The following NADK variants were observed in gnomAD, a reference collection of about 807,000 sequenced individuals.
NADK encodes poly(P)/ATP NAD kinase.
A neutral mutation model predicts 49.8 loss-of-function variants in NADK; 22 were observed. That is an observed-to-expected ratio of 0.44 (90% confidence interval 0.32 to 0.63). The LOEUF is 0.63. Ranked by LOEUF, NADK falls within the 30% of genes least tolerant of loss-of-function variation. NADK has a pLI of 0.06. For missense variants in NADK, 438 were observed against 609.4 expected, an observed-to-expected ratio of 0.72 and a Z score of 2.96; for synonymous variants, 268 against 253.7, an observed-to-expected ratio of 1.06 and a Z score of -0.54.
chr1:1,768,202 A>C (rs1023161189), intron 1 of NADK, among the ~76,000 whole-genome samples: 2 of 150,812 alleles, frequency 1.3e-5, no homozygotes, highest in Non-Finnish European at 3.0e-5. Context: ...AAATGAGGTC[A>C]TAAGTGTGGG....
Position 1,752,676 on chromosome 1 carries a change from G to C in NADK, c.*228C>G, listed in dbSNP as rs1258261912. On this transcript the variant is annotated 3_prime_UTR_variant, in exon 12 of 12. Transcript: ENST00000341426. The stretch of plus-strand genomic sequence containing the variant: ...CCCACCGCGGGGTGTCAGCAGGACA[G>C]AAGCACTCCCAGCCCATTTCTCACG... 7.6e-6 allele frequency: 4 copies of C among 526,344 alleles called. No homozygotes were observed. The highest frequency in any genetic ancestry group is 3.1e-5 in the South Asian group (1 of 32,562). The allele number at this position is 526,344 out of a possible 1,614,324, so 32.6% of individuals were successfully genotyped here.
intron 1 of NADK, among the ~76,000 whole-genome samples, chr1:1,770,729 C>T (rs778817297): frequency 6.6e-5 from 10 of 151,802 alleles, no homozygotes; most frequent in Non-Finnish European, 1.3e-4. Flanking sequence ...GAGACTCTGT[C>T]TCAAAATAAT....
chr1:1,754,827 T>C lies in NADK; in HGVS notation c.689-129A>G, dbSNP rs1389662491. 5.7e-6 allele frequency: 5 copies of C among 873,668 alleles called. No homozygotes were observed. Among genetic ancestry groups the C allele is most frequent in the Non-Finnish European group, 6.9e-6 (4 of 581,174 alleles). 54.1% of individuals were successfully genotyped at this position (873,668 alleles called of 1,614,324 possible). A position where few individuals can be genotyped will look rare whatever the true frequency, so the allele number is the denominator to read the frequency against. On this transcript the variant is annotated intron_variant, in intron 7 of 11. Coordinates refer to ENST00000341426, the MANE Select transcript of NADK (RefSeq NM_023018.5). This position sits in a 1 kb window ranked among gnomAD's most constrained non-coding sequence, Gnocchi z 4.3. ...CAAGTTGACACACTTCTGTGCCTTT[T>C]TCTTTTTATTTTGAGATGGAGTCTC...
In NADK at chr1:1,761,949, C is replaced by T. The variant is rs778473646; in HGVS notation, c.263+3G>A. The T allele has an allele frequency of 1.2e-6, 2 of 1,613,912 alleles. No individual in the cohort carries two copies. The highest frequency in any genetic ancestry group is 1.1e-5 in the South Asian group (1 of 91,062). ...CCCCCCGTCCTGGGGCCCCAGCACT[C>T]ACATGATGGTCTGGGGGTTCTGCAG... is the stretch of plus-strand genomic sequence containing the variant. On this transcript the variant is annotated splice_donor_region_variant and intron_variant, in intron 3 of 11. Transcript: ENST00000341426.
intron 3 of NADK, among the ~76,000 whole-genome samples, chr1:1,757,725 C>T (rs2235536): frequency 0.3 from 46,234 of 151,988 alleles, 8,536 homozygotes; most frequent in Middle Eastern, 0.48. Context: ...CCACGAAAAC[C>T]CAAACCAGTT....
intron 1 of NADK, among the ~76,000 whole-genome samples, chr1:1,773,729 T>TGAGAGAGAGAGAGAGA (rs61141524): frequency 3.9e-5 from 5 of 128,972 alleles, no homozygotes; most frequent in African/African-American, 9.8e-5. Flanking sequence ...TGTGTGTGTG[T>TGAGAGAGAGAGAGAGA]GAGAGAGAGA....
Position 1,759,668 on chromosome 1 carries a change from G to A in NADK, c.263+2284C>T, listed in dbSNP as rs528489150. 2,036 of 1,495,012 alleles carry A rather than the reference G, an allele frequency of 1.4e-3. 4 individuals are homozygous for A. Among genetic ancestry groups the A allele is most frequent in the Non-Finnish European group, 1.7e-3 (1,912 of 1,109,044 alleles). The allele number at this position is 1,495,012 out of a possible 1,614,324, so 92.6% of individuals were successfully genotyped here. A position where few individuals can be genotyped will look rare whatever the true frequency, so the allele number is the denominator to read the frequency against. ...TGATCCCAGAGACACAGAGCCCAGA[G>A]GGGGCGTGCTCCCATGGGGGTGCCG... On this transcript the variant is annotated intron_variant, in intron 3 of 11. Coordinates refer to ENST00000341426, the MANE Select transcript of NADK (RefSeq NM_023018.5).
In NADK at chr1:1,756,350, AAC is replaced by A. The variant is rs766371140; in HGVS notation, c.500-9_500-8del. 81 of 1,613,718 alleles carry A rather than the reference AAC, an allele frequency of 5.0e-5. No individual in the cohort carries two copies. Among genetic ancestry groups the A allele is most frequent in the Non-Finnish European group, 6.7e-5 (79 of 1,179,810 alleles). Reference sequence around the variant, plus strand: ...TTGGAAATGTCATCATAATCTAGGAAACACAAAGCAAAACCAAGAAGAGGCTG... The same window carrying A: ...TTGGAAATGTCATCATAATCTAGGAAACAAAGCAAAACCAAGAAGAGGCTG... On this transcript the variant is annotated splice_region_variant and splice_polypyrimidine_tract_variant and intron_variant, in intron 5 of 11. Transcript: ENST00000341426.
intron 2 of NADK, 109 bp downstream of exon 2, chr1:1,765,119 C>T (rs1645844917): frequency 1.8e-5 from 20 of 1,122,814 alleles, no homozygotes; most frequent in East Asian, 5.2e-5. Flanking sequence ...CCTCACCTTC[C>T]GGATGCATCG....
At chr1:1,775,328 T>C (rs1433117995) in intron 1 of NADK, among the ~76,000 whole-genome samples, 1 of 152,132 alleles carries the variant, frequency 6.6e-6, no homozygotes, top group Non-Finnish European at 1.5e-5. Context: ...CAATATTTGT[T>C]GCAAGACTAA....
chr1:1,758,345 G>A (rs746500434), intron 3 of NADK: 37 of 1,592,500 alleles, frequency 2.3e-5, no homozygotes, highest in South Asian at 2.0e-4. Flanking sequence ...TGTGACCTTC[G>A]GAAGCTGGTC....
rs202094242 is a variant in NADK at position 1,756,270 on chromosome 1, G to A, written c.573C>T (p.Ser191=). The change falls in exon 6 of 12, where the codon TCC becomes TCT. Residue 191 remains serine, a synonymous_variant. Coordinates refer to ENST00000341426, the MANE Select transcript of NADK (RefSeq NM_023018.5). ...GTCAGCGCTTCACCTGGAAAAGCGA[G>A]GAAGCGTACAGCAGCGTCCCGTCTC... The part of the protein sequence containing the change: ...LGGDGTLLYA[S]SLFQGSVPPV... The A allele has an allele frequency of 6.4e-5, 103 of 1,614,098 alleles. No homozygotes were observed. Among genetic ancestry groups the A allele is most frequent in the Middle Eastern group, 1.7e-4 (1 of 6,058 alleles).
intron 1 of NADK, among the ~76,000 whole-genome samples, chr1:1,771,224 AT>A (rs563178893): frequency 6.8e-4 from 104 of 151,952 alleles, no homozygotes; most frequent in Non-Finnish European, 8.2e-4. Context: ...AAACTACAAA[AT>A]ATTGCTGACA....
chr1:1,753,744 G>T, intron 10 of NADK, 95 bp from the exon 11 acceptor site: 1 of 1,167,608 alleles, frequency 8.6e-7, no homozygotes, highest in Non-Finnish European at 1.2e-6. Context: ...TCGAAGGTTG[G>T]GCAGCTCTGA....
chr1:1,768,454 C>G (rs973819922), intron 1 of NADK, among the ~76,000 whole-genome samples: 4 of 152,136 alleles, frequency 2.6e-5, no homozygotes, highest in Non-Finnish European at 4.4e-5. Context: ...TACTTGGAGG[C>G]TCCGGCAAGA....
Position 1,757,565 on chromosome 1 carries a change from G to A in NADK, c.264-255C>T, listed in dbSNP as rs926232477. On this transcript the variant is annotated intron_variant, in intron 3 of 11. Transcript: ENST00000341426. ...AGGCTCAGGCCCACAACCCCCACCCGGGCACCACGCTGACCCAAGTGCACG... is the reference window on the plus strand; with the variant it reads ...AGGCTCAGGCCCACAACCCCCACCCAGGCACCACGCTGACCCAAGTGCACG... 2.6e-5 allele frequency among the ~76,000 whole-genome samples: 4 copies of A among 151,544 alleles called. No individual in the cohort carries two copies. The South Asian group carries it at 6.3e-4, about 24-fold the overall frequency.
rs1049858833 is a variant in NADK at position 1,752,922 on chromosome 1, C to T, written c.1323G>A (p.Glu441=). 1 of 1,600,866 alleles carries T rather than the reference C, an allele frequency of 6.2e-7. No individual in the cohort carries two copies. ...KKQAHFEEEE[E]EEEEG The stretch of plus-strand genomic sequence containing the variant: ...GCTTGACCTAGCCCTCCTCCTCCTC[C>T]TCCTCCTCCTCCTCGAAGTGGGCTT... Residue 441 remains glutamate (E), a synonymous_variant, in exon 12 of 12, where the codon GAG becomes GAA. Coordinates refer to ENST00000341426, the MANE Select transcript of NADK (RefSeq NM_023018.5).
intron 1 of NADK, among the ~76,000 whole-genome samples, chr1:1,766,015 C>T (rs185902907): frequency 8.0e-4 from 121 of 152,026 alleles, no homozygotes; most frequent in Middle Eastern, 6.8e-3. Context: ...TGCCTGTAAT[C>T]CCAGCACTTT....
intron 1 of NADK, among the ~76,000 whole-genome samples, chr1:1,777,330 T>G (rs1570597897): frequency 6.6e-6 from 1 of 152,076 alleles, no homozygotes; most frequent in South Asian, 2.1e-4. Context: ...AATAAGTACT[T>G]GAAGGGAATT....
Sources: allele counts gnomAD v4.1 joint callset (sites outside exome capture counted in the v4.1 genomes callset), GRCh38; gene constraint gnomAD v4.1.1; non-coding constraint Gnocchi (gnomAD v3.1); transcripts MANE v1.5; gene names NCBI Gene and HGNC (gene_info 2026-07-23, HGNC 2026-07-21).